The following KCNQ1 variants were observed in gnomAD, a reference collection of about 807,000 sequenced individuals.
KCNQ1 encodes the protein potassium voltage-gated channel subfamily KQT member 1.
A neutral mutation model predicts 72.4 loss-of-function variants in KCNQ1; 49 were observed. The ratio of observed to expected loss-of-function variants is 0.68; its 90% CI spans 0.54 to 0.86. KCNQ1 has a LOEUF of 0.86. Ranked by LOEUF, KCNQ1 falls within the 40% of genes least tolerant of loss-of-function variation. The pLI, the probability that KCNQ1 is intolerant of heterozygous loss-of-function variation, is 0.00. For synonymous variants in KCNQ1, 450 were observed against 412.6 expected, an observed-to-expected ratio of 1.09 and a Z score of -1.10; for missense variants, 790 against 945.1, an observed-to-expected ratio of 0.84 and a Z score of 2.15.
rs962163829 is a variant in KCNQ1 at position 2,612,511 on chromosome 11, A to G, written c.1393+23657A>G. 3.8e-5 allele frequency: 15 copies of G among 398,448 alleles called. No homozygotes were observed. The highest frequency in any genetic ancestry group is 2.5e-4 in the African/African-American group (12 of 48,596). 24.7% of individuals were successfully genotyped at this position (398,448 alleles called of 1,614,324 possible). A position where few individuals can be genotyped will look rare whatever the true frequency, so the allele number is the denominator to read the frequency against. ...AAGTTCATTGATTCTTTCTTCTGCC[A>G]GGTCAAATTTGCTTAGCCGCACTAG... is the stretch of plus-strand genomic sequence containing the variant. On this transcript the variant is annotated intron_variant, in intron 10 of 15. Coordinates refer to ENST00000155840, the MANE Select transcript of KCNQ1 (RefSeq NM_000218.3). The surrounding 1 kb of genome is among the most constrained non-coding windows in gnomAD (Gnocchi z 5.5).
chr11:2,514,157 C>A (rs910624882), intron 1 of KCNQ1, among the ~76,000 whole-genome samples: 3 of 152,226 alleles, frequency 2.0e-5, no homozygotes, highest in African/African-American at 7.2e-5. Context: ...CATTATCGTA[C>A]CTTACCTCGC....
At position 2,734,056 on chromosome 11, in the gene KCNQ1, G is replaced by A. The variant is rs531857694; in HGVS notation, c.1515-34788G>A. Reference sequence around the variant, plus strand: ...CCACCTTGCGGTTCTCCCAGCCCCAGCCTTGCCTTTCTAGTGGTTCTGGCC... The same window carrying A: ...CCACCTTGCGGTTCTCCCAGCCCCAACCTTGCCTTTCTAGTGGTTCTGGCC... On this transcript the variant is annotated intron_variant, in intron 11 of 15. Coordinates refer to ENST00000155840, the MANE Select transcript of KCNQ1 (RefSeq NM_000218.3). The surrounding 1 kb of genome is among the most constrained non-coding windows in gnomAD (Gnocchi z 7.0). Among the ~76,000 whole-genome samples, 279 of 152,192 alleles carry A rather than the reference G, an allele frequency of 1.8e-3. No homozygotes were observed. Among genetic ancestry groups the A allele is most frequent in the Admixed American group, 3.4e-3 (52 of 15,288 alleles).
Position 2,563,761 on chromosome 11 carries a change from T to C in KCNQ1, c.478-6867T>C, listed in dbSNP as rs1207401666. 2.0e-5 allele frequency among the ~76,000 whole-genome samples: 3 copies of C among 152,210 alleles called. No individual in the cohort carries two copies. Among genetic ancestry groups the C allele is most frequent in the Non-Finnish European group, 2.9e-5 (2 of 68,034 alleles). Reference sequence around the variant, plus strand: ...AGGGGAATTTTACAGCTTGCCTGTGTTTTTCCACCCAGGGCCCTTTGCACT... The same window carrying C: ...AGGGGAATTTTACAGCTTGCCTGTGCTTTTCCACCCAGGGCCCTTTGCACT... On this transcript the variant is annotated intron_variant, in intron 2 of 15. Coordinates refer to ENST00000155840, the MANE Select transcript of KCNQ1 (RefSeq NM_000218.3). The surrounding 1 kb of genome is among the most constrained non-coding windows in gnomAD (Gnocchi z 7.4).
chr11:2,641,249 C>G (rs1345202662), intron 10 of KCNQ1: 2 of 398,232 alleles, frequency 5.0e-6, no homozygotes, highest in African/African-American at 4.1e-5. Flanking sequence ...AAACTGTTTT[C>G]TATAGTATTA....
chr11:2,617,663 A>C lies in KCNQ1; in HGVS notation c.1393+28809A>C. The C allele has an allele frequency of 2.5e-6, 1 of 398,458 alleles. No individual in the cohort carries two copies. Among genetic ancestry groups the C allele is most frequent in the Non-Finnish European group, 4.4e-6 (1 of 225,980 alleles). 24.7% of individuals were successfully genotyped at this position (398,458 alleles called of 1,614,324 possible). A position where few individuals can be genotyped will look rare whatever the true frequency, so the allele number is the denominator to read the frequency against. On this transcript the variant is annotated intron_variant, in intron 10 of 15. Coordinates refer to ENST00000155840, the MANE Select transcript of KCNQ1 (RefSeq NM_000218.3). The surrounding 1 kb of genome is among the most constrained non-coding windows in gnomAD (Gnocchi z 4.6). ...TCTGTTTTTCATTATGACTGCACCA[A>C]TCTACAGTCCCACCAACACTGTACA... is the stretch of plus-strand genomic sequence containing the variant.
intron 11 of KCNQ1, among the ~76,000 whole-genome samples, chr11:2,719,011 C>T (rs1851154755): frequency 6.6e-6 from 1 of 152,214 alleles, no homozygotes; most frequent in Non-Finnish European, 1.5e-5. Context: ...GACCATAGAC[C>T]ACAGATACTC....
intron 6 of KCNQ1, among the ~76,000 whole-genome samples, chr11:2,576,716 G>A (rs996531847): frequency 2.6e-5 from 4 of 152,248 alleles, no homozygotes; most frequent in African/African-American, 9.6e-5. Context: ...GGGGCTGGGG[G>A]CTGGTGCAGG....
At chr11:2,788,069 T>A (rs534467476) in intron 15 of KCNQ1, among the ~76,000 whole-genome samples, 15 of 152,190 alleles carry the variant, frequency 9.9e-5, no homozygotes, top group Admixed American at 2.0e-4. Context: ...TGAGTGCCCA[T>A]AGAATGTGGT....
intron 10 of KCNQ1, chr11:2,656,383 T>C (rs1281774460): frequency 7.5e-6 from 3 of 398,550 alleles, no homozygotes; most frequent in Non-Finnish European, 1.3e-5. Flanking sequence ...CTGGTCTCTC[T>C]AAGGATGTCA....
Position 2,479,557 on chromosome 11 carries a change from C to G in KCNQ1, c.386+34073C>G, listed in dbSNP as rs1846623064. 6.6e-6 allele frequency among the ~76,000 whole-genome samples: 1 copy of G among 152,330 alleles called. No homozygotes were observed. Among genetic ancestry groups the G allele is most frequent in the African/African-American group, 2.4e-5 (1 of 41,570 alleles). On this transcript the variant is annotated intron_variant, in intron 1 of 15. Transcript: ENST00000155840. The surrounding 1 kb of genome is among the most constrained non-coding windows in gnomAD (Gnocchi z 4.6). ...AGCTATGGCTAGAGCGGCTGGGACA[C>G]AGGGCACCAAGTCCCTAGGCTGCAC...
chr11:2,741,419 G>C (rs1846048243), intron 11 of KCNQ1, among the ~76,000 whole-genome samples: 1 of 152,188 alleles, frequency 6.6e-6, no homozygotes, highest in Admixed American at 6.5e-5. Flanking sequence ...GCAAGGCCCT[G>C]TGTGCCCCCT....
At chr11:2,660,256 C>T in intron 10 of KCNQ1, 3 of 398,202 alleles carry the variant, frequency 7.5e-6, no homozygotes. Context: ...ATCATCTGTC[C>T]TATCAGGCAT....
rs1432065166 is a variant in KCNQ1, at chr11:2,559,309, C to T, written c.478-11319C>T. Among the ~76,000 whole-genome samples, 1 of 152,304 alleles carries T rather than the reference C, an allele frequency of 6.6e-6. No individual in the cohort carries two copies. The highest frequency in any genetic ancestry group is 2.1e-4 in the South Asian group (1 of 4,832). ...GTCGTAGAGAAATGTGTGAACATGG[C>T]TCCCCTTAGGCCAGGGGTAGACGCA... On this transcript the variant is annotated intron_variant, in intron 2 of 15. Transcript: ENST00000155840. This position sits in a 1 kb window ranked among gnomAD's most constrained non-coding sequence, Gnocchi z 4.9.
chr11:2,675,234 A>G (rs903835695), intron 11 of KCNQ1: 7 of 398,528 alleles, frequency 1.8e-5, no homozygotes, highest in African/African-American at 1.4e-4. Flanking sequence ...GGGCCAAACC[A>G]GCTCCCAAGC....
In KCNQ1 at chr11:2,582,358, GC is replaced by G. The variant is rs564381946; in HGVS notation, c.922-1075del. The stretch of plus-strand genomic sequence containing the variant: ...CCTGGTCTCGTGGGGGCTCAGGTGG[GC>G]CGGGGTTTGTTCTTGCCTTCCATCA... On this transcript the variant is annotated intron_variant, in intron 6 of 15. Coordinates refer to ENST00000155840, the MANE Select transcript of KCNQ1 (RefSeq NM_000218.3). Among the ~76,000 whole-genome samples, 4 of 152,336 alleles carry G rather than the reference GC, an allele frequency of 2.6e-5. No homozygotes were observed. The East Asian group carries it at 7.7e-4, about 29-fold the overall frequency.
Position 2,556,127 on chromosome 11 carries a change from C to T in KCNQ1, c.478-14501C>T, listed in dbSNP as rs11023282. On this transcript the variant is annotated intron_variant, in intron 2 of 15. Coordinates refer to ENST00000155840, the MANE Select transcript of KCNQ1 (RefSeq NM_000218.3). Reference sequence around the variant, plus strand: ...CTACTGTGGAAGGGTTCCCGGTCGACGCATCGCACCAGACCCTGCCTCCGC... The same window carrying T: ...CTACTGTGGAAGGGTTCCCGGTCGATGCATCGCACCAGACCCTGCCTCCGC... Among the ~76,000 whole-genome samples the T allele has an allele frequency of 2.3e-4, 35 of 151,968 alleles. No individual in the cohort carries two copies. The East Asian group carries it at 6.4e-3, about 28-fold the overall frequency.
intron 2 of KCNQ1, among the ~76,000 whole-genome samples, chr11:2,539,225 T>C (rs968952665): frequency 6.6e-6 from 1 of 152,150 alleles, no homozygotes; most frequent in African/African-American, 2.4e-5. Flanking sequence ...GAAAAGGGGA[T>C]GGGGGCCTGG....
rs1846349848 is a variant in KCNQ1, at chr11:2,759,159, A to G, written c.1515-9685A>G. On this transcript the variant is annotated intron_variant, in intron 11 of 15. Coordinates refer to ENST00000155840, the MANE Select transcript of KCNQ1 (RefSeq NM_000218.3). The surrounding 1 kb of genome is among the most constrained non-coding windows in gnomAD (Gnocchi z 4.4). ...AGGAGTCTATAATTGTTTCAAAATA[A>G]AAAGAAGCAAAACAACACACTGGGA... is the stretch of plus-strand genomic sequence containing the variant. Among the ~76,000 whole-genome samples the G allele has an allele frequency of 6.6e-6, 1 of 152,152 alleles. No homozygotes were observed. The highest frequency in any genetic ancestry group is 1.5e-5 in the Non-Finnish European group (1 of 68,030).
At chr11:2,614,091 A>G (rs1400229792) in intron 10 of KCNQ1, 2 of 398,434 alleles carry the variant, frequency 5.0e-6, no homozygotes, top group Non-Finnish European at 8.8e-6. Flanking sequence ...GGTGGTTTCT[A>G]GATGGCAGCT....
Sources: gnomAD v4.1 joint callset for allele counts (sites outside exome capture counted in the v4.1 genomes callset) on GRCh38, gnomAD v4.1.1 for gene constraint, Gnocchi (gnomAD v3.1) non-coding constraint, MANE v1.5 for transcripts, NCBI Gene and HGNC (gene_info 2026-07-23, HGNC 2026-07-21) for gene names.